The following USP47 variants were observed in gnomAD, a reference collection of about 807,000 sequenced individuals.
USP47 encodes the protein ubiquitin specific peptidase 47.
A neutral mutation model predicts 165.1 loss-of-function variants in USP47; 35 were observed. The ratio of observed to expected loss-of-function variants is 0.21; its 90% CI spans 0.16 to 0.28. The LOEUF (loss-of-function observed/expected upper bound fraction) is 0.28. USP47 is among the 10% of genes least tolerant of loss of function. The pLI is 1.00. For missense variants in USP47, 1,277 were observed against 1,607.4 expected (o/e 0.79, Z 3.52); for synonymous variants, 531 against 544.5 (o/e 0.98, Z 0.35).
At chr11:11,880,502 A>G in intron 2 of USP47, 122 bp downstream of exon 2, 1 of 689,962 alleles carries the variant, frequency 1.4e-6, no homozygotes, top group East Asian at 3.4e-5. Flanking sequence ...AACTACAGTA[A>G]GAGCCTATGT....
At chr11:11,915,243 A>G (rs932766386) in intron 8 of USP47, among the ~76,000 whole-genome samples, 12 of 152,202 alleles carry the variant, frequency 7.9e-5, no homozygotes, top group African/African-American at 2.9e-4. Context: ...AGGTTATTAC[A>G]TACTTTATGA....
At chr11:11,922,976 A>G in intron 11 of USP47, 85 bp downstream of exon 11, 1 of 1,258,468 alleles carries the variant, frequency 7.9e-7, no homozygotes, top group African/African-American at 1.6e-5. Context: ...TGTGACTGAT[A>G]AAGTTATCTT....
intron 1 of USP47, among the ~76,000 whole-genome samples, chr11:11,846,814 C>A (rs1848453490): frequency 6.6e-6 from 1 of 151,988 alleles, no homozygotes; most frequent in Admixed American, 6.6e-5. Flanking sequence ...AATTTTATTT[C>A]TCCTAATTAA....
intron 5 of USP47, among the ~76,000 whole-genome samples, chr11:11,900,875 A>T (rs1852181490): frequency 6.6e-6 from 1 of 152,208 alleles, no homozygotes; most frequent in African/African-American, 2.4e-5. Flanking sequence ...ATTCCTCCCT[A>T]TTAGTGAATT....
intron 24 of USP47, chr11:11,951,704 C>T (rs1856237839): frequency 6.6e-6 from 1 of 152,148 alleles, no homozygotes; most frequent in South Asian, 2.1e-4. Flanking sequence ...CAGGCTGCTT[C>T]AGGTCTAATT....
At chr11:11,909,709 C>T (rs1026824688) in intron 8 of USP47, among the ~76,000 whole-genome samples, 36 of 152,076 alleles carry the variant, frequency 2.4e-4, no homozygotes, top group Non-Finnish European at 1.6e-4. Flanking sequence ...ATGACAAAAA[C>T]GTGTTCAAAG....
In USP47 at chr11:11,956,383, C is replaced by A; in HGVS notation, c.*208C>A. ...ATGTTGTGCACTATAGTCAAATGTACTGTAAAGTGAAAAGGGATGTGCAAA... is the reference window on the plus strand; with the variant it reads ...ATGTTGTGCACTATAGTCAAATGTAATGTAAAGTGAAAAGGGATGTGCAAA... On this transcript the variant is annotated 3_prime_UTR_variant, in exon 28 of 28. Transcript: ENST00000527733. 1 of 412,798 alleles carries A rather than the reference C, an allele frequency of 2.4e-6. No homozygotes were observed. Among genetic ancestry groups the A allele is most frequent in the Non-Finnish European group, 4.3e-6 (1 of 232,166 alleles). 25.6% of individuals were successfully genotyped at this position (412,798 alleles called of 1,614,324 possible). A position where few individuals can be genotyped will look rare whatever the true frequency, so the allele number is the denominator to read the frequency against.
intron 1 of USP47, among the ~76,000 whole-genome samples, chr11:11,875,619 T>C (rs1023079471): frequency 1.6e-4 from 25 of 152,244 alleles, no homozygotes; most frequent in Admixed American, 5.9e-4. Context: ...CTTTTTTTTT[T>C]CTTTGAGACA....
At chr11:11,861,031 TC>T (rs1222623597) in intron 1 of USP47, among the ~76,000 whole-genome samples, 1 of 152,192 alleles carries the variant, frequency 6.6e-6, no homozygotes, top group Non-Finnish European at 1.5e-5. Context: ...AATTTCTTTT[TC>T]TTCATCGATA....
At chr11:11,927,334 T>G (rs1204052766) in intron 11 of USP47, among the ~76,000 whole-genome samples, 2 of 152,044 alleles carry the variant, frequency 1.3e-5, no homozygotes, top group Admixed American at 6.6e-5. Context: ...GGATGGGTAT[T>G]TATTCTATTT....
At chr11:11,938,505 T>G (rs1855236063) in intron 18 of USP47, 133 bp downstream of exon 18, 2 of 668,160 alleles carry the variant, frequency 3.0e-6, no homozygotes, top group African/African-American at 3.6e-5. Context: ...AGGAGACAAC[T>G]GTAGTTAAAA....
At chr11:11,944,393 C>G (rs1317841408) in intron 20 of USP47, among the ~76,000 whole-genome samples, 1 of 152,000 alleles carries the variant, frequency 6.6e-6, no homozygotes, top group Non-Finnish European at 1.5e-5. Context: ...TTAAATAACA[C>G]TGGAATCATA....
At chr11:11,895,782 G>C (rs1851809134) in intron 4 of USP47, among the ~76,000 whole-genome samples, 1 of 152,124 alleles carries the variant, frequency 6.6e-6, no homozygotes, top group African/African-American at 2.4e-5. Flanking sequence ...TACTTCAGGA[G>C]TTGGCCTATT....
At chr11:11,934,926 GA>G (rs1308488029) in intron 16 of USP47, among the ~76,000 whole-genome samples, 2 of 152,002 alleles carry the variant, frequency 1.3e-5, no homozygotes, top group African/African-American at 2.4e-5. Context: ...ATTATATGTG[GA>G]ACCAATAACA....
At position 11,940,515 on chromosome 11, in the gene USP47, C is replaced by A. The variant is rs1392409169; in HGVS notation, c.2280C>A (p.Thr760=). 1 of 1,611,684 alleles carries A rather than the reference C, an allele frequency of 6.2e-7. No homozygotes were observed. Among genetic ancestry groups the A allele is most frequent in the Non-Finnish European group, 8.5e-7 (1 of 1,178,468 alleles). Residue 760 remains threonine, a synonymous_variant, in exon 19 of 28, where the codon ACC becomes ACA. Transcript: ENST00000527733. ...GTCTTCTCAGTGTCTCCAGTAAAAC[C>A]CTGAAAGCTGAAGGATTTTTTAGAA... The part of the protein sequence containing the change: ...DLRLLSVSSK[T]LKAEGFFRSN...
intron 5 of USP47, among the ~76,000 whole-genome samples, chr11:11,901,677 G>A (rs570061696): frequency 1.5e-4 from 23 of 152,270 alleles, no homozygotes; most frequent in African/African-American, 5.5e-4. Flanking sequence ...AAGGGAAGTA[G>A]GCTGAGTGCA....
chr11:11,924,230 G>A (rs1418787326), intron 11 of USP47, among the ~76,000 whole-genome samples: 1 of 152,044 alleles, frequency 6.6e-6, no homozygotes, highest in Non-Finnish European at 1.5e-5. Flanking sequence ...CAGTTGATAT[G>A]ATCATGTATG....
chr11:11,870,054 T>G (rs756718398), intron 1 of USP47, among the ~76,000 whole-genome samples: 10 of 148,960 alleles, frequency 6.7e-5, no homozygotes, highest in African/African-American at 2.5e-4. Flanking sequence ...TGACATTTTG[T>G]TTTTTTGTTT....
Position 11,922,960 on chromosome 11 carries a change from A to G in USP47, c.1386+69A>G, listed in dbSNP as rs890077449. 32 of 1,437,120 alleles carry G rather than the reference A, an allele frequency of 2.2e-5. No homozygotes were observed. In the East Asian group the frequency reaches 7.0e-4, roughly 32 times the overall value. The allele number at this position is 1,437,120 out of a possible 1,614,324, so 89.0% of individuals were successfully genotyped here. Reference sequence around the variant, plus strand: ...TCTCTGACTTCCTATATAATTCTATAGCTGTTGTGACTGATAAAGTTATCT... The same window carrying G: ...TCTCTGACTTCCTATATAATTCTATGGCTGTTGTGACTGATAAAGTTATCT... On this transcript the variant is annotated intron_variant, in intron 11 of 27. Coordinates refer to ENST00000527733, the MANE Select transcript of USP47 (RefSeq NM_001282659.2).
Sources: gnomAD v4.1 joint callset for allele counts (sites outside exome capture counted in the v4.1 genomes callset) on GRCh38, gnomAD v4.1.1 for gene constraint, MANE v1.5 for transcripts, NCBI Gene and HGNC (gene_info 2026-07-23, HGNC 2026-07-21) for gene names.